Variants in CCNY observed in about 807,000 individuals in gnomAD.
CCNY encodes the protein cyclin Y, also known as cyclin-Y.
In CCNY, 19 loss-of-function variants were observed where a neutral mutation model predicts 42.8. The ratio of observed to expected loss-of-function variants is 0.44; its 90% confidence interval spans 0.31 to 0.65. CCNY has a LOEUF of 0.65. Ranked by LOEUF, CCNY falls within the 30% of genes least tolerant of loss-of-function variation. The pLI is 0.07. For missense variants in CCNY, 370 were observed against 437.3 expected (o/e 0.85, Z 1.37); for synonymous variants, 165 against 162.7 (o/e 1.01, Z -0.11).
intron 1 of CCNY, among the ~76,000 whole-genome samples, chr10:35,448,337 A>G (rs1838837713): frequency 6.6e-6 from 1 of 152,194 alleles, no homozygotes; most frequent in Non-Finnish European, 1.5e-5. Flanking sequence ...CCGGTGTAGC[A>G]GAAATTCTGG....
At chr10:35,526,117 A>T (rs752756530) in intron 5 of CCNY, 118 bp downstream of exon 5, 1 of 890,582 alleles carries the variant, frequency 1.1e-6, no homozygotes, top group Non-Finnish European at 1.7e-6. Context: ...TCATATTTTC[A>T]TAGAATTTCT....
chr10:35,482,002 A>G (rs901882784), intron 1 of CCNY, among the ~76,000 whole-genome samples: 1 of 152,234 alleles, frequency 6.6e-6, no homozygotes, highest in South Asian at 2.1e-4. Flanking sequence ...ATAATACAAG[A>G]AGGATCAGAT....
intron 1 of CCNY, among the ~76,000 whole-genome samples, chr10:35,406,140 T>C (rs1837755204): frequency 6.6e-6 from 1 of 151,808 alleles, no homozygotes; most frequent in African/African-American, 2.4e-5. Context: ...TAAGTCCTGT[T>C]GTGGGGTTTG....
chr10:35,377,276 A>G (rs1421785517), intron 1 of CCNY, among the ~76,000 whole-genome samples: 1 of 152,186 alleles, frequency 6.6e-6, no homozygotes, highest in Non-Finnish European at 1.5e-5. Flanking sequence ...ACCTAGAGCA[A>G]CTTCCAGTCC....
At position 35,558,729 on chromosome 10, in the gene CCNY, C is replaced by G. The variant is rs150524103; in HGVS notation, c.746+5544C>G. Among the ~76,000 whole-genome samples, 75 of 152,278 alleles carry G rather than the reference C, an allele frequency of 4.9e-4. 1 individual carries two copies. The East Asian group carries it at 0.012, about 24-fold the overall frequency. ...CCATGTGAGGACACAGAGAAGGTAG[C>G]GTCTGCAAGCCAAGGAGAGAGGTCT... is the stretch of plus-strand genomic sequence containing the variant. On this transcript the variant is annotated intron_variant, in intron 8 of 9. Coordinates refer to ENST00000374704, the MANE Select transcript of CCNY (RefSeq NM_145012.6).
intron 1 of CCNY, among the ~76,000 whole-genome samples, chr10:35,352,594 G>A (rs1428590133): frequency 6.6e-6 from 1 of 152,252 alleles, no homozygotes; most frequent in Non-Finnish European, 1.5e-5. Flanking sequence ...GTCAGTCCAA[G>A]TTCTGCCGTC....
rs144532410 is a variant in CCNY, at chr10:35,259,061, T to C, written c.-9+8435T>C. Among the ~76,000 whole-genome samples, 6 of 152,172 alleles carry C rather than the reference T, an allele frequency of 3.9e-5. No individual in the cohort carries two copies. The East Asian group carries it at 9.7e-4, about 24-fold the overall frequency. ...AATTAACCACAATTTACCATCTAAG[T>C]CATTCTGCTGAAAGCTGCAAGTCTT... is the stretch of plus-strand genomic sequence containing the variant. On this transcript the variant is annotated intron_variant, in intron 3 of 11. Coordinates refer to the CCNY transcript ENST00000374706.
At chr10:35,537,180 CTG>C (rs967044171) in intron 7 of CCNY, among the ~76,000 whole-genome samples, 4 of 152,238 alleles carry the variant, frequency 2.6e-5, no homozygotes, top group African/African-American at 4.8e-5. Context: ...TTGGCACCTT[CTG>C]TGTGGCATTG....
intron 1 of CCNY, among the ~76,000 whole-genome samples, chr10:35,444,509 A>G (rs751089786): frequency 2.0e-5 from 3 of 152,268 alleles, no homozygotes; most frequent in East Asian, 1.9e-4. Flanking sequence ...TGGCTTCCCA[A>G]AGTTCTGGGA....
intron 1 of CCNY, among the ~76,000 whole-genome samples, chr10:35,467,955 T>A (rs2135340549): frequency 6.6e-6 from 1 of 152,354 alleles, no homozygotes; most frequent in Middle Eastern, 3.4e-3. Flanking sequence ...CAGTTCTACA[T>A]TCAGGAATAT....
chr10:35,349,572 T>G (rs1407827459), intron 1 of CCNY, among the ~76,000 whole-genome samples: 2 of 152,282 alleles, frequency 1.3e-5, no homozygotes, highest in African/African-American at 4.8e-5. Flanking sequence ...ATTAGTCATA[T>G]TCACATATGA....
intron 3 of CCNY, among the ~76,000 whole-genome samples, chr10:35,252,765 T>A (rs998739407): frequency 6.6e-6 from 1 of 152,150 alleles, no homozygotes; most frequent in Non-Finnish European, 1.5e-5. Flanking sequence ...CCAACTGCAT[T>A]GTTGTCATCC....
At position 35,419,533 on chromosome 10, in the gene CCNY, C is replaced by CTTTTTT. The variant is rs34429228; in HGVS notation, c.155-63861_155-63856dup. On this transcript the variant is annotated intron_variant, in intron 1 of 9. Coordinates refer to ENST00000374704, the MANE Select transcript of CCNY (RefSeq NM_145012.6). ...AGGACTGGGTTGCATTAGACCGTTC[C>CTTTTTT]TTTTTTTTTTTTTTTAGCAATCTGG... 3.0e-4 allele frequency among the ~76,000 whole-genome samples: 39 copies of CTTTTTT among 129,686 alleles called. 1 individual carries two copies. The East Asian group carries it at 5.0e-3, about 17-fold the overall frequency. The allele number at this position is 129,686 out of a possible 152,430, so 85.1% of individuals were successfully genotyped here.
At position 35,550,975 on chromosome 10, in the gene CCNY, T is replaced by A. The variant is rs774348667; in HGVS notation, c.580-2044T>A. The stretch of plus-strand genomic sequence containing the variant: ...TCCAGACCTGCATGTTCACTACTTA[T>A]GTGGCATCCGCTGGGACATTTCAAG... On this transcript the variant is annotated intron_variant, in intron 7 of 9. Transcript: ENST00000374704. Among the ~76,000 whole-genome samples the A allele has an allele frequency of 2.0e-5, 3 of 152,176 alleles. No homozygotes were observed. The South Asian group carries it at 6.2e-4, about 32-fold the overall frequency.
At chr10:35,359,195 C>T (rs1007107255) in intron 1 of CCNY, among the ~76,000 whole-genome samples, 2 of 152,188 alleles carry the variant, frequency 1.3e-5, no homozygotes, top group African/African-American at 2.4e-5. Flanking sequence ...GTGTTACTCC[C>T]CAGCTGTTTT....
chr10:35,503,422 G>A (rs923282657), intron 3 of CCNY, among the ~76,000 whole-genome samples: 8 of 152,158 alleles, frequency 5.3e-5, no homozygotes, highest in Admixed American at 1.3e-4. Context: ...AACAGACCTC[G>A]CTGCAAATGA....
chr10:35,314,327 G>A (rs1173445919), intron 3 of CCNY, among the ~76,000 whole-genome samples: 1 of 151,546 alleles, frequency 6.6e-6, no homozygotes, highest in Non-Finnish European at 1.5e-5. Flanking sequence ...ATCTTACATG[G>A]TGGCAGTCAA....
At position 35,336,744 on chromosome 10, in the gene CCNY, G is replaced by A. The variant is rs1203404069; in HGVS notation, c.-310G>A. 6.8e-6 allele frequency: 1 copy of A among 147,124 alleles called. No individual in the cohort carries two copies. Among genetic ancestry groups the A allele is most frequent in the African/African-American group, 2.4e-5 (1 of 40,892 alleles). 9.1% of individuals were successfully genotyped at this position (147,124 alleles called of 1,614,324 possible). A position where few individuals can be genotyped will look rare whatever the true frequency, so the allele number is the denominator to read the frequency against. ...CGCGGCGCCGCCCGCCATGGCCGCGGCGGGGTGAGGTAGGCGCGGCGGCCG... is the reference window on the plus strand; with the variant it reads ...CGCGGCGCCGCCCGCCATGGCCGCGACGGGGTGAGGTAGGCGCGGCGGCCG... On this transcript the variant is annotated 5_prime_UTR_variant, in exon 1 of 10. Transcript: ENST00000374704.
At chr10:35,339,248 T>C (rs1368227486) in intron 1 of CCNY, among the ~76,000 whole-genome samples, 4 of 152,226 alleles carry the variant, frequency 2.6e-5, no homozygotes, top group African/African-American at 9.6e-5. Context: ...AATCTAGTAC[T>C]GGACATTGCC....
Sources: gnomAD v4.1 joint callset for allele counts (sites outside exome capture counted in the v4.1 genomes callset) on GRCh38, gnomAD v4.1.1 for gene constraint, MANE v1.5 for transcripts, NCBI Gene and HGNC (gene_info 2026-07-23, HGNC 2026-07-21) for gene names.